The following WNT9A variants were observed in gnomAD, a reference collection of about 807,000 sequenced individuals.
The protein encoded by WNT9A is protein Wnt-9a.
In WNT9A, 8 loss-of-function variants were observed where a neutral mutation model predicts 31.4. That is an observed-to-expected ratio of 0.26 (90% CI 0.15 to 0.46). The LOEUF is 0.46. WNT9A is among the 20% of genes least tolerant of loss of function. WNT9A has a pLI of 0.99. For synonymous variants in WNT9A, 236 were observed against 220.1 expected (o/e 1.07, Z -0.64); for missense variants, 457 against 522.9 (o/e 0.87, Z 1.23).
intron 1 of WNT9A, among the ~76,000 whole-genome samples, chr1:227,940,995 C>A (rs1666695545): frequency 6.6e-6 from 1 of 152,270 alleles, no homozygotes; most frequent in Non-Finnish European, 1.5e-5. Context: ...TGAAGGAAAA[C>A]CAGGGTCACG....
chr1:227,936,196 C>CTT (rs749391618), intron 1 of WNT9A, among the ~76,000 whole-genome samples: 1 of 145,816 alleles, frequency 6.9e-6, no homozygotes. Context: ...TTTTCTTTTT[C>CTT]TTTTTTTTTT....
At position 227,942,925 on chromosome 1, in the gene WNT9A, C is replaced by T. The variant is rs1666731200; in HGVS notation, c.95+4868G>A. ...TCCCAGGCTTCTCTTGCCCAGCACACAGCCCCATGATTCCACACCTCAGGC... is the reference window on the plus strand; with the variant it reads ...TCCCAGGCTTCTCTTGCCCAGCACATAGCCCCATGATTCCACACCTCAGGC... On this transcript the variant is annotated intron_variant, in intron 1 of 3. Coordinates refer to ENST00000272164, the MANE Select transcript of WNT9A (RefSeq NM_003395.4). The surrounding 1 kb of genome is among the most constrained non-coding windows in gnomAD (Gnocchi z 5.7). Among the ~76,000 whole-genome samples the T allele has an allele frequency of 6.6e-6, 1 of 152,216 alleles. No individual in the cohort carries two copies. The highest frequency in any genetic ancestry group is 6.5e-5 in the Admixed American group (1 of 15,292).
intron 1 of WNT9A, 70 bp downstream of exon 1, chr1:227,947,723 C>T: frequency 2.1e-6 from 2 of 963,292 alleles, no homozygotes; most frequent in East Asian, 7.9e-5. Flanking sequence ...GCCTCGGGGA[C>T]TCCGGACGAC....
intron 1 of WNT9A, among the ~76,000 whole-genome samples, chr1:227,945,387 C>A (rs559777872): frequency 6.6e-6 from 1 of 152,274 alleles, no homozygotes; most frequent in East Asian, 1.9e-4. Flanking sequence ...CCAAGGGGAG[C>A]CTCTTCCCCA....
At chr1:227,938,220 C>G (rs1212060969) in intron 1 of WNT9A, among the ~76,000 whole-genome samples, 1 of 151,764 alleles carries the variant, frequency 6.6e-6, no homozygotes, top group Non-Finnish European at 1.5e-5. Context: ...CCCCCCCACA[C>G]AGATACACCC....
intron 1 of WNT9A, among the ~76,000 whole-genome samples, chr1:227,946,100 G>A (rs1447047565): frequency 6.6e-6 from 1 of 152,016 alleles, no homozygotes; most frequent in Non-Finnish European, 1.5e-5. Context: ...CAAGAAGCAG[G>A]GCCAAGGGGG....
rs567335106 is a variant in WNT9A at position 227,923,725 on chromosome 1, G to A, written c.615+413C>T. Among the ~76,000 whole-genome samples, 5 of 152,180 alleles carry A rather than the reference G, an allele frequency of 3.3e-5. No homozygotes were observed. The East Asian group carries it at 9.7e-4, about 30-fold the overall frequency. ...ACCATGCCTCCCACCTTGGTCTGTG[G>A]GGGGCACATCTTCCTCCCACCGGTC... On this transcript the variant is annotated intron_variant, in intron 3 of 3. Transcript: ENST00000272164.
chr1:227,935,360 G>A (rs1316431571), intron 1 of WNT9A, among the ~76,000 whole-genome samples: 3 of 152,124 alleles, frequency 2.0e-5, no homozygotes, highest in Non-Finnish European at 4.4e-5. Flanking sequence ...AACAGCCTAG[G>A]TTTCTGTTTG....
intron 1 of WNT9A, among the ~76,000 whole-genome samples, chr1:227,946,014 T>C (rs1367241791): frequency 6.6e-6 from 1 of 152,212 alleles, no homozygotes; most frequent in Non-Finnish European, 1.5e-5. Flanking sequence ...CCCTCTGGAC[T>C]TCCCACAGGG....
rs1553300556 is a variant in WNT9A, at chr1:227,919,722, C to CAGAG, written c.*1795_*1796insCTCT. The stretch of plus-strand genomic sequence containing the variant: ...ACACACACACACACACACACACACA[C>CAGAG]AGACCATGCCAGCATGCATTTATAC... On this transcript the variant is annotated 3_prime_UTR_variant, in exon 4 of 4. Transcript: ENST00000272164. The CAGAG allele has an allele frequency of 0.13, 18,897 of 145,668 alleles. 1,472 individuals are homozygous for CAGAG. The highest frequency in any genetic ancestry group is 0.23 in the East Asian group (1,111 of 4,782). The allele number at this position is 145,668 out of a possible 1,614,324, so 9.0% of individuals were successfully genotyped here. A position where few individuals can be genotyped will look rare whatever the true frequency, so the allele number is the denominator to read the frequency against.
Position 227,925,281 on chromosome 1 carries a change from C to A in WNT9A, c.334G>T (p.Ala112Ser). ...WNCTLEGRYRASLLKRGFKET... is the reference protein window; with the variant it reads ...WNCTLEGRYRSSLLKRGFKET... ...CACTCACCTCGCTTGAGCAGGCTGG[C>A]CCGGTAGCGGCCCTCCAGCGTGCAG... The change falls in exon 2 of 4, where the codon GCC becomes TCC. Residue 112 changes from alanine to serine, a missense_variant. By Grantham distance (99) the Ala-to-Ser change is moderately conservative (BLOSUM62 1). Coordinates refer to ENST00000272164, the MANE Select transcript of WNT9A (RefSeq NM_003395.4). This position sits in a 1 kb window ranked among gnomAD's most constrained non-coding sequence, Gnocchi z 6.0. 6.4e-7 allele frequency: 1 copy of A among 1,566,628 alleles called. No individual in the cohort carries two copies. The highest frequency in any genetic ancestry group is 8.6e-7 in the Non-Finnish European group (1 of 1,156,126).
chr1:227,938,868 G>A (rs1401812955), intron 1 of WNT9A, among the ~76,000 whole-genome samples: 1 of 152,186 alleles, frequency 6.6e-6, no homozygotes, highest in Admixed American at 6.5e-5. Flanking sequence ...GAGGTTCAGG[G>A]GATTAAACAG....
intron 2 of WNT9A, among the ~76,000 whole-genome samples, chr1:227,924,719 C>T (rs1309685824): frequency 6.6e-6 from 1 of 152,250 alleles, no homozygotes; most frequent in African/African-American, 2.4e-5. Flanking sequence ...GCCTGCCTGG[C>T]CCTGGGCCTT....
In WNT9A at chr1:227,921,436, A is replaced by G. The variant is rs35718701; in HGVS notation, c.*82T>C. On this transcript the variant is annotated 3_prime_UTR_variant, in exon 4 of 4. Transcript: ENST00000272164. ...GCAGCTGGGCTGGTCGAGCCCAGGAACTCAGCCTGTGCAGGTGTAGACCCT... is the reference window on the plus strand; with the variant it reads ...GCAGCTGGGCTGGTCGAGCCCAGGAGCTCAGCCTGTGCAGGTGTAGACCCT... 0.12 allele frequency: 175,593 copies of G among 1,521,268 alleles called. 10,633 individuals are homozygous for G. Among genetic ancestry groups the G allele is most frequent in the South Asian group, 0.15 (11,526 of 77,862 alleles). The allele number at this position is 1,521,268 out of a possible 1,614,324, so 94.2% of individuals were successfully genotyped here.
chr1:227,924,085 C>CCCCAA, intron 3 of WNT9A, 53 bp downstream of exon 3: 1 of 1,063,498 alleles, frequency 9.4e-7, no homozygotes, highest in Non-Finnish European at 1.3e-6. Flanking sequence ...CCCCAACCCC[C>CCCCAA]TGACGCTCTT....
chr1:227,930,947 C>T (rs1044105795), intron 1 of WNT9A, among the ~76,000 whole-genome samples: 2 of 151,032 alleles, frequency 1.3e-5, no homozygotes, highest in Admixed American at 6.6e-5. Flanking sequence ...TGCGATGAGC[C>T]GAGATCACGC....
chr1:227,936,336 G>A (rs1376153686), intron 1 of WNT9A, among the ~76,000 whole-genome samples: 1 of 151,882 alleles, frequency 6.6e-6, no homozygotes, highest in South Asian at 2.1e-4. Flanking sequence ...ATTACAGGCA[G>A]CTGCCAACAT....
In WNT9A at chr1:227,944,791, A is replaced by C. The variant is rs145963272; in HGVS notation, c.95+3002T>G. Among the ~76,000 whole-genome samples, 648 of 152,344 alleles carry C rather than the reference A, an allele frequency of 4.3e-3. 11 individuals carry two copies. Among genetic ancestry groups the C allele is most frequent in the East Asian group, 0.029 (152 of 5,178 alleles). ...GGCCTCCCACCATCGTGCCCCCGCAAAGTAACCTGCAAATGTTTCCTGAGT... is the reference window on the plus strand; with the variant it reads ...GGCCTCCCACCATCGTGCCCCCGCACAGTAACCTGCAAATGTTTCCTGAGT... On this transcript the variant is annotated intron_variant, in intron 1 of 3. Coordinates refer to ENST00000272164, the MANE Select transcript of WNT9A (RefSeq NM_003395.4).
rs567654394 is a variant in WNT9A at position 227,942,339 on chromosome 1, C to CCCTG, written c.95+5450_95+5453dup. On this transcript the variant is annotated intron_variant, in intron 1 of 3. Coordinates refer to ENST00000272164, the MANE Select transcript of WNT9A (RefSeq NM_003395.4). The surrounding 1 kb of genome is among the most constrained non-coding windows in gnomAD (Gnocchi z 5.7). ...AGGGAGAGGCTGGGGGTTCCAAGGC[C>CCCTG]CCTGGGTGCAGAGCAGGAAGGAGGA... Among the ~76,000 whole-genome samples, 558 of 152,264 alleles carry CCCTG rather than the reference C, an allele frequency of 3.7e-3. No homozygotes were observed. The highest frequency in any genetic ancestry group is 6.8e-3 in the Non-Finnish European group (460 of 67,994).
Sources: gnomAD v4.1 joint callset for allele counts (sites outside exome capture counted in the v4.1 genomes callset) on GRCh38, gnomAD v4.1.1 for gene constraint, Gnocchi (gnomAD v3.1) non-coding constraint, MANE v1.5 for transcripts, NCBI Gene and HGNC (gene_info 2026-07-23, HGNC 2026-07-21) for gene names.